SMOC1: variants seen among roughly 807,000 people sequenced by gnomAD.
The protein encoded by SMOC1 is SPARC related modular calcium binding 1.
Under a neutral mutation model 56.3 loss-of-function variants are expected in SMOC1, and 22 were observed. The observed-to-expected ratio is 0.39, with a 90% confidence interval of 0.28 to 0.56. The LOEUF (loss-of-function observed/expected upper bound fraction) is 0.56. SMOC1 is among the 20% of genes least tolerant of loss of function. The pLI is 0.61. For synonymous variants in SMOC1, 193 were observed against 215.0 expected (o/e 0.90, Z 0.89); for missense variants, 509 against 565.4 (o/e 0.90, Z 1.01).
At chr14:70,008,444 A>G (rs1885219352) in intron 7 of SMOC1, among the ~76,000 whole-genome samples, 1 of 152,186 alleles carries the variant, frequency 6.6e-6, no homozygotes, top group Non-Finnish European at 1.5e-5. Flanking sequence ...TGGCATTTTA[A>G]TGATTTTATT....
At chr14:69,982,828 A>G (rs1884227701) in intron 5 of SMOC1, among the ~76,000 whole-genome samples, 2 of 152,182 alleles carry the variant, frequency 1.3e-5, no homozygotes, top group South Asian at 2.1e-4. Flanking sequence ...GACGACCTCC[A>G]TGCTGTTGGC....
rs74934599 is a variant in SMOC1, at chr14:69,895,183, A to G, written c.99+15406A>G. On this transcript the variant is annotated intron_variant, in intron 1 of 11. Transcript: ENST00000361956. Reference sequence around the variant, plus strand: ...CCAGTGGTTGGGAAAGGTGACCAAAACCTCAGAACATGTGGAATCTTCCCC... The same window carrying G: ...CCAGTGGTTGGGAAAGGTGACCAAAGCCTCAGAACATGTGGAATCTTCCCC... Among the ~76,000 whole-genome samples the G allele has an allele frequency of 8.0e-3, 1,213 of 152,260 alleles. 20 individuals are homozygous for G. The highest frequency in any genetic ancestry group is 0.053 in the East Asian group (276 of 5,182).
chr14:69,959,256 T>C (rs1223364378), intron 3 of SMOC1, among the ~76,000 whole-genome samples: 1 of 152,234 alleles, frequency 6.6e-6, no homozygotes, highest in Non-Finnish European at 1.5e-5. Context: ...TATGAATGTA[T>C]CACGAATCCT....
intron 7 of SMOC1, among the ~76,000 whole-genome samples, chr14:70,005,931 G>A (rs1175571675): frequency 6.6e-6 from 1 of 152,164 alleles, no homozygotes; most frequent in Non-Finnish European, 1.5e-5. Flanking sequence ...TTCCCTGAGT[G>A]TTCCTGAGCA....
intron 1 of SMOC1, among the ~76,000 whole-genome samples, chr14:69,943,096 G>GAA (rs1882632103): frequency 6.6e-6 from 1 of 152,188 alleles, no homozygotes; most frequent in Non-Finnish European, 1.5e-5. Context: ...TGGTGGTGGG[G>GAA]TGATGAAGGT....
At chr14:69,997,708 A>G (rs1419635780) in intron 7 of SMOC1, among the ~76,000 whole-genome samples, 1 of 152,170 alleles carries the variant, frequency 6.6e-6, no homozygotes, top group African/African-American at 2.4e-5. Context: ...ACATGTTATC[A>G]TATTTGGTTT....
chr14:70,028,363 G>T (rs1259713619), intron 11 of SMOC1, among the ~76,000 whole-genome samples: 1 of 152,146 alleles, frequency 6.6e-6, no homozygotes, highest in Non-Finnish European at 1.5e-5. Context: ...CTCCCTGATG[G>T]CTCAGAGCAT....
At chr14:69,898,857 A>AT (rs1444094324) in intron 1 of SMOC1, among the ~76,000 whole-genome samples, 1 of 151,740 alleles carries the variant, frequency 6.6e-6, no homozygotes, top group African/African-American at 2.4e-5. Flanking sequence ...ATGCCTTGTA[A>AT]TTTTTTGTTG....
At chr14:69,926,428 T>G (rs1566676116) in intron 1 of SMOC1, among the ~76,000 whole-genome samples, 1 of 152,206 alleles carries the variant, frequency 6.6e-6, no homozygotes, top group Non-Finnish European at 1.5e-5. Context: ...AGACTGCCAG[T>G]CCCGTAAACT....
intron 7 of SMOC1, among the ~76,000 whole-genome samples, chr14:70,010,185 T>A (rs1594853613): frequency 6.6e-6 from 1 of 152,236 alleles, no homozygotes; most frequent in East Asian, 1.9e-4. Context: ...GCCTACTTTG[T>A]CCAGCAGCCT....
chr14:69,996,266 G>C (rs1007843856), intron 7 of SMOC1, among the ~76,000 whole-genome samples: 4 of 152,118 alleles, frequency 2.6e-5, no homozygotes, highest in African/African-American at 9.7e-5. Flanking sequence ...TTTGTTATCA[G>C]GTCCTGTGGA....
chr14:70,009,245 AT>A (rs1388155470), intron 7 of SMOC1, among the ~76,000 whole-genome samples: 1 of 152,110 alleles, frequency 6.6e-6, no homozygotes, highest in Non-Finnish European at 1.5e-5. Flanking sequence ...CTAAGGAAAT[AT>A]TTTTACCCTG....
At chr14:70,027,208 G>T (rs559417881) in intron 11 of SMOC1, among the ~76,000 whole-genome samples, 2 of 152,184 alleles carry the variant, frequency 1.3e-5, no homozygotes, top group Non-Finnish European at 2.9e-5. Flanking sequence ...GAGGAGTAGC[G>T]ATTTGCTCAA....
At chr14:69,904,713 C>A (rs1190786797) in intron 1 of SMOC1, among the ~76,000 whole-genome samples, 1 of 152,178 alleles carries the variant, frequency 6.6e-6, no homozygotes, top group African/African-American at 2.4e-5. Context: ...GCTGGCTCTG[C>A]CACCTGCTGC....
chr14:70,022,812 G>A (rs1566714739), intron 10 of SMOC1, among the ~76,000 whole-genome samples: 2 of 152,240 alleles, frequency 1.3e-5, no homozygotes, highest in African/African-American at 4.8e-5. Context: ...ACATGTTTAC[G>A]TGTAATGAGC....
chr14:69,989,821 T>A (rs1884498222), intron 5 of SMOC1, among the ~76,000 whole-genome samples: 1 of 152,158 alleles, frequency 6.6e-6, no homozygotes, highest in African/African-American at 2.4e-5. Context: ...GGCCTTGGAC[T>A]TGTGTTTGGT....
chr14:70,010,971 G>A (rs758248979), intron 8 of SMOC1, 25 bp downstream of exon 8: 37 of 1,611,324 alleles, frequency 2.3e-5, no homozygotes, highest in African/African-American at 1.1e-4. Flanking sequence ...CTGGGTCCTG[G>A]GAAAAACGCA....
rs1049413267 is a variant in SMOC1 at position 70,030,660 on chromosome 14, A to T, written c.*402A>T. 1 of 181,966 alleles carries T rather than the reference A, an allele frequency of 5.5e-6. No individual in the cohort carries two copies. Among genetic ancestry groups the T allele is most frequent in the African/African-American group, 2.4e-5 (1 of 42,250 alleles). The allele number at this position is 181,966 out of a possible 1,614,324, so 11.3% of individuals were successfully genotyped here. On this transcript the variant is annotated 3_prime_UTR_variant, in exon 12 of 12. Transcript: ENST00000361956. ...CAGGCATTGGCATTGCTGTTTGTTT[A>T]TTTCTCTCCCTCTGCCTGCTGTGGG...
chr14:69,884,925 G>A (rs1883753779), intron 1 of SMOC1, among the ~76,000 whole-genome samples: 1 of 151,902 alleles, frequency 6.6e-6, no homozygotes, highest in Non-Finnish European at 1.5e-5. Context: ...GGTCTTTTGT[G>A]GTTCTACAAA....
Sources: gnomAD v4.1 joint callset for allele counts (sites outside exome capture counted in the v4.1 genomes callset) on GRCh38, gnomAD v4.1.1 for gene constraint, MANE v1.5 for transcripts, NCBI Gene and HGNC (gene_info 2026-07-23, HGNC 2026-07-21) for gene names.